Variants in PARD3B observed in about 807,000 individuals in gnomAD.
PARD3B encodes the protein partitioning defective 3 homolog B.
A neutral mutation model predicts 130.2 loss-of-function variants in PARD3B; 103 were observed. The observed-to-expected ratio is 0.79, with a 90% CI of 0.67 to 0.93. The LOEUF (loss-of-function observed/expected upper bound fraction) is 0.93. PARD3B is among the 40% of genes least tolerant of loss of function. PARD3B has a pLI of 0.00. For synonymous variants in PARD3B, 583 were observed against 553.2 expected (o/e 1.05, Z -0.76); for missense variants, 1,609 against 1,499.2 (o/e 1.07, Z -1.21).
At chr2:205,411,386 G>C (rs1269269244) in intron 19 of PARD3B, among the ~76,000 whole-genome samples, 1 of 152,160 alleles carries the variant, frequency 6.6e-6, no homozygotes, top group Non-Finnish European at 1.5e-5. Context: ...GCCCCAGAGA[G>C]ATGCATGGCC....
intron 3 of PARD3B, among the ~76,000 whole-genome samples, chr2:205,045,249 T>C (rs1049419924): frequency 2.0e-5 from 3 of 150,274 alleles, no homozygotes; most frequent in Non-Finnish European, 4.4e-5. Flanking sequence ...TTATTACTAT[T>C]ATTATTACTA....
intron 21 of PARD3B, among the ~76,000 whole-genome samples, chr2:205,508,425 A>T (rs182714327): frequency 6.6e-6 from 1 of 151,984 alleles, no homozygotes. Context: ...TACCAAAATT[A>T]TGGGGGTGTG....
chr2:205,068,930 G>A (rs1014548743), intron 4 of PARD3B, among the ~76,000 whole-genome samples: 3 of 152,114 alleles, frequency 2.0e-5, no homozygotes, highest in South Asian at 4.1e-4. Flanking sequence ...GTGATCTAGT[G>A]TATGATTAAC....
intron 22 of PARD3B, among the ~76,000 whole-genome samples, chr2:205,579,594 C>T (rs537553198): frequency 4.6e-5 from 7 of 152,188 alleles, no homozygotes; most frequent in Non-Finnish European, 8.8e-5. Context: ...ACCAATTTTG[C>T]AAATCACATT....
chr2:205,386,224 C>T (rs2045656697), intron 18 of PARD3B, among the ~76,000 whole-genome samples: 1 of 152,154 alleles, frequency 6.6e-6, no homozygotes, highest in African/African-American at 2.4e-5. Flanking sequence ...ATTCATGCTG[C>T]TCCATCCACA....
intron 1 of PARD3B, among the ~76,000 whole-genome samples, chr2:204,611,186 G>A (rs893657944): frequency 2.0e-5 from 3 of 152,202 alleles, no homozygotes; most frequent in Non-Finnish European, 2.9e-5. Context: ...GAGATGAAGG[G>A]AAATTGGTTG....
intron 2 of PARD3B, among the ~76,000 whole-genome samples, chr2:204,919,188 C>T (rs1383406173): frequency 2.6e-5 from 4 of 152,068 alleles, no homozygotes; most frequent in Non-Finnish European, 4.4e-5. Context: ...GACATCCATA[C>T]ACTTCCCTCC....
chr2:205,188,548 C>G (rs1175122374), intron 14 of PARD3B, among the ~76,000 whole-genome samples: 1 of 152,082 alleles, frequency 6.6e-6, no homozygotes, highest in Non-Finnish European at 1.5e-5. Flanking sequence ...ATGGAGGGAT[C>G]AGAAGCATGG....
rs1368188606 is a variant in PARD3B at position 204,838,350 on chromosome 2, TGTG to T, written c.223-126801_223-126799del. Reference sequence around the variant, plus strand: ...GGCACCCGCCACCATACCTGGCTAATGTGTGTGTGTGTGTGTGTGTGTGTGTGT... The same window carrying T: ...GGCACCCGCCACCATACCTGGCTAATTGTGTGTGTGTGTGTGTGTGTGTGT... On this transcript the variant is annotated intron_variant, in intron 2 of 22. Coordinates refer to ENST00000406610, the MANE Select transcript of PARD3B (RefSeq NM_001302769.2). 1.4e-4 allele frequency among the ~76,000 whole-genome samples: 8 copies of T among 56,372 alleles called. No homozygotes were observed. In the East Asian group the frequency reaches 1.7e-3, roughly 12 times the overall value. 37.0% of individuals were successfully genotyped at this position (56,372 alleles called of 152,430 possible). A position where few individuals can be genotyped will look rare whatever the true frequency, so the allele number is the denominator to read the frequency against.
chr2:204,929,143 T>G (rs1287613351), intron 2 of PARD3B, among the ~76,000 whole-genome samples: 2 of 152,116 alleles, frequency 1.3e-5, no homozygotes, highest in African/African-American at 4.8e-5. Flanking sequence ...ACCAAAAGTA[T>G]TTTCAATATG....
chr2:205,290,257 T>A lies in PARD3B; in HGVS notation c.2186-10273T>A, dbSNP rs77231919. On this transcript the variant is annotated intron_variant, in intron 16 of 22. Transcript: ENST00000406610. ...AGCTTTAAGGATCTCCTATACATTC[T>A]CTGGTGTTATTAGTTCATGTGTGTT... is the stretch of plus-strand genomic sequence containing the variant. 3.9e-4 allele frequency among the ~76,000 whole-genome samples: 60 copies of A among 152,302 alleles called. 1 individual carries two copies. The highest frequency in any genetic ancestry group is 2.1e-3 in the Admixed American group (32 of 15,290).
At chr2:204,833,411 G>T (rs930032401) in intron 2 of PARD3B, among the ~76,000 whole-genome samples, 2 of 152,026 alleles carry the variant, frequency 1.3e-5, no homozygotes, top group African/African-American at 4.8e-5. Context: ...CAATATTGGT[G>T]GTGGTTTAAT....
chr2:205,197,854 G>A (rs1345685922), intron 15 of PARD3B, among the ~76,000 whole-genome samples: 1 of 152,172 alleles, frequency 6.6e-6, no homozygotes, highest in Non-Finnish European at 1.5e-5. Flanking sequence ...TTGAGCTTGT[G>A]TGGGTGTTGA....
chr2:205,083,992 C>A (rs1346786985), intron 4 of PARD3B, among the ~76,000 whole-genome samples: 1 of 152,076 alleles, frequency 6.6e-6, no homozygotes, highest in Non-Finnish European at 1.5e-5. Flanking sequence ...AACAGAAACT[C>A]TTAAACAAAA....
At chr2:205,296,328 T>G (rs981186024) in intron 16 of PARD3B, among the ~76,000 whole-genome samples, 1 of 152,186 alleles carries the variant, frequency 6.6e-6, no homozygotes, top group Non-Finnish European at 1.5e-5. Flanking sequence ...TTCTCAATTA[T>G]TCAAATCATC....
At chr2:204,750,266 T>A (rs1481842354) in intron 2 of PARD3B, among the ~76,000 whole-genome samples, 1 of 152,156 alleles carries the variant, frequency 6.6e-6, no homozygotes, top group African/African-American at 2.4e-5. Context: ...CTGAAGAAAT[T>A]GTTTCTCTTT....
At chr2:205,502,398 A>G (rs2050190053) in intron 21 of PARD3B, among the ~76,000 whole-genome samples, 1 of 152,180 alleles carries the variant, frequency 6.6e-6, no homozygotes, top group Non-Finnish European at 1.5e-5. Flanking sequence ...TGGGCCCAGG[A>G]GAGACCCTCA....
chr2:204,637,194 A>G (rs1016275081), intron 1 of PARD3B, among the ~76,000 whole-genome samples: 2 of 152,094 alleles, frequency 1.3e-5, no homozygotes. Flanking sequence ...AGCATTTTGC[A>G]TGTCCTTTCA....
intron 4 of PARD3B, among the ~76,000 whole-genome samples, chr2:205,083,791 G>A (rs1370275746): frequency 6.6e-6 from 1 of 151,606 alleles, no homozygotes; most frequent in African/African-American, 2.4e-5. Context: ...ACATCTTTAT[G>A]ATTGAATATT....
Sources: gnomAD v4.1 joint callset for allele counts (sites outside exome capture counted in the v4.1 genomes callset) on GRCh38, gnomAD v4.1.1 for gene constraint, MANE v1.5 for transcripts, NCBI Gene and HGNC (gene_info 2026-07-23, HGNC 2026-07-21) for gene names.